Variants in SI observed in about 807,000 individuals in gnomAD.
SI encodes sucrase-isomaltase, also known as sucrase-isomaltase, intestinal.
A neutral mutation model predicts 253.3 loss-of-function variants in SI; 235 were observed. That is an observed-to-expected ratio of 0.93 (90% CI 0.83 to 1.03). The LOEUF is 1.03. Among genes scored for constraint, SI ranks in the 50% least tolerant of loss-of-function variants. SI has a pLI of 0.00. For missense variants in SI, 2,442 were observed against 2,211.1 expected (o/e 1.10, Z -2.09); for synonymous variants, 819 against 712.0 (o/e 1.15, Z -2.39).
chr3:165,007,520 T>C (rs1228176238), intron 36 of SI, among the ~76,000 whole-genome samples: 2 of 152,154 alleles, frequency 1.3e-5, no homozygotes, highest in South Asian at 2.1e-4. Flanking sequence ...AAACTTCCTT[T>C]CAAAATAATT....
intron 13 of SI, 90 bp downstream of exon 13, chr3:165,055,104 G>GA: frequency 3.7e-6 from 3 of 813,718 alleles, no homozygotes; most frequent in East Asian, 2.5e-5. Flanking sequence ...GAATACATCA[G>GA]AAAAAAATAT....
chr3:165,024,699 T>C (rs1045678279), intron 25 of SI, among the ~76,000 whole-genome samples: 9 of 151,430 alleles, frequency 5.9e-5, no homozygotes, highest in Admixed American at 4.0e-4. Flanking sequence ...ATTCATTATG[T>C]TATTTTTAAC....
At chr3:165,014,406 G>A (rs545848443) in intron 33 of SI, among the ~76,000 whole-genome samples, 197 of 152,064 alleles carry the variant, frequency 1.3e-3, no homozygotes, top group Non-Finnish European at 2.4e-3. Flanking sequence ...CCGCCACCAT[G>A]CCCTTCTAAT....
At chr3:165,055,405 A>G in intron 12 of SI, 98 bp from the exon 13 acceptor site, 1 of 715,714 alleles carries the variant, frequency 1.4e-6, no homozygotes. Context: ...AAAAAAATAA[A>G]GTTATTCTAC....
Position 165,017,815 on chromosome 3 carries a change from A to G in SI, c.3579T>C (p.Asp1193=). ...GAGTTGGGCCCAAAAACATATAAAA[A>G]TCCAAGATCCCTCCAACTGTACGGT... The part of the protein sequence containing the change: ...LTYRTVGGIL[D]FYMFLGPTPE... The change falls in exon 30 of 48, where the codon GAT becomes GAC. Residue 1193 remains aspartate (D), a synonymous_variant. Transcript: ENST00000264382. The G allele has an allele frequency of 6.2e-7, 1 of 1,613,216 alleles. No homozygotes were observed. Among genetic ancestry groups the G allele is most frequent in the South Asian group, 1.1e-5 (1 of 91,066 alleles).
the SI span, among the ~76,000 whole-genome samples, chr3:165,084,202 A>G: frequency 1.1e-4 from 16 of 152,210 alleles, no homozygotes; most frequent in African/African-American, 3.8e-4. Context: ...TGCACCATCT[A>G]TAAACCAAGG....
chr3:165,075,660 G>C (rs950728127), intron 2 of SI, among the ~76,000 whole-genome samples: 2 of 151,896 alleles, frequency 1.3e-5, no homozygotes, highest in African/African-American at 2.4e-5. Context: ...TCTTTGTCAA[G>C]TAGCTAGGGA....
intron 20 of SI, among the ~76,000 whole-genome samples, chr3:165,038,405 T>C (rs1712645583): frequency 6.6e-6 from 1 of 151,854 alleles, no homozygotes; most frequent in South Asian, 2.1e-4. Context: ...TGCAAAATAA[T>C]ATCATTTAAA....
intron 15 of SI, among the ~76,000 whole-genome samples, chr3:165,047,612 T>C (rs1431860912): frequency 1.3e-5 from 2 of 152,082 alleles, no homozygotes; most frequent in East Asian, 3.9e-4. Context: ...TTTGAATGAC[T>C]CCAATCATCC....
At chr3:165,085,077 A>G in the SI span, among the ~76,000 whole-genome samples, 1 of 152,108 alleles carries the variant, frequency 6.6e-6, no homozygotes, top group East Asian at 1.9e-4. Context: ...CTATACTATT[A>G]AAGTTAATTG....
chr3:165,047,105 A>G, intron 15 of SI, 93 bp from the exon 16 acceptor site: 2 of 1,048,084 alleles, frequency 1.9e-6, no homozygotes, highest in Non-Finnish European at 2.8e-6. Context: ...AAGCCATGTG[A>G]TATAGTTTGG....
chr3:165,002,840 A>AAG, intron 37 of SI, among the ~76,000 whole-genome samples: 1 of 151,930 alleles, frequency 6.6e-6, no homozygotes, highest in East Asian at 1.9e-4. Flanking sequence ...GCTACTTAAT[A>AAG]CTTAATCCAA....
chr3:164,998,739 C>T (rs369857466), intron 37 of SI, 66 bp from the exon 38 acceptor site: 55 of 1,325,892 alleles, frequency 4.1e-5, no homozygotes, highest in East Asian at 2.8e-4. Context: ...TATCTACTTA[C>T]GACTACTTTG....
At chr3:165,001,778 G>A (rs1236559991) in intron 37 of SI, among the ~76,000 whole-genome samples, 1 of 151,106 alleles carries the variant, frequency 6.6e-6, no homozygotes, top group Non-Finnish European at 1.5e-5. Flanking sequence ...GGTATACTGT[G>A]TTTGTTTTTT....
chr3:165,053,331 T>C (rs1485441547), intron 13 of SI, among the ~76,000 whole-genome samples: 1 of 152,162 alleles, frequency 6.6e-6, no homozygotes, highest in Non-Finnish European at 1.5e-5. Flanking sequence ...TAGTAAATTA[T>C]AAAACTATTT....
At chr3:165,041,182 A>G in intron 17 of SI, 88 bp from the exon 18 acceptor site, 1 of 1,149,224 alleles carries the variant, frequency 8.7e-7, no homozygotes, top group Non-Finnish European at 1.3e-6. Context: ...TTTTTAAAGC[A>G]ACTACATAAA....
rs1430284302 is a variant in SI at position 165,008,012 on chromosome 3, G to A, written c.4180-14C>T. On this transcript the variant is annotated splice_polypyrimidine_tract_variant and intron_variant, in intron 35 of 47. Transcript: ENST00000264382. ...CTCATTCATATCCTTAAAAAAAGAT[G>A]AAAGAAAAAGGTAAACAAAAGATAA... 7.5e-7 allele frequency: 1 copy of A among 1,338,812 alleles called. No individual in the cohort carries two copies. Among genetic ancestry groups the A allele is most frequent in the Non-Finnish European group, 1.1e-6 (1 of 932,814 alleles). The allele number at this position is 1,338,812 out of a possible 1,614,324, so 82.9% of individuals were successfully genotyped here.
rs1712186447 is a variant in SI at position 165,030,774 on chromosome 3, A to G, written c.2830T>C (p.Tyr944His). 1.2e-6 allele frequency: 2 copies of G among 1,609,040 alleles called. No homozygotes were observed. Among genetic ancestry groups the G allele is most frequent in the African/African-American group, 2.7e-5 (2 of 74,492 alleles). ...IFSENERFNCYPDADLATEQK... is the reference protein window; with the variant it reads ...IFSENERFNCHPDADLATEQK... ...TCAGTTGCCAAATCTGCATCTGGAT[A>G]ACAATTAAATCTTTCATTTTCTGAG... Residue 944 changes from tyrosine to histidine, a missense_variant, in exon 25 of 48, where the codon TAT (tyrosine) becomes CAT (histidine). Transcript: ENST00000264382.
intron 33 of SI, among the ~76,000 whole-genome samples, chr3:165,014,070 A>G (rs1354547179): frequency 6.6e-6 from 1 of 152,168 alleles, no homozygotes; most frequent in Non-Finnish European, 1.5e-5. Context: ...TTAACATGTT[A>G]TATAACAATA....
Sources: allele counts gnomAD v4.1 joint callset (sites outside exome capture counted in the v4.1 genomes callset), GRCh38; gene constraint gnomAD v4.1.1; transcripts MANE v1.5; gene names NCBI Gene and HGNC (gene_info 2026-07-23, HGNC 2026-07-21).